The following NHS variants were observed in gnomAD, a reference collection of about 807,000 sequenced individuals.
The protein encoded by NHS is actin remodeling regulator NHS.
In NHS, 5 loss-of-function variants were observed where a neutral mutation model predicts 72.5. The ratio of observed to expected loss-of-function variants is 0.07; its 90% CI spans 0.04 to 0.14. The LOEUF (loss-of-function observed/expected upper bound fraction) is 0.14, where lower values mean the gene tolerates loss of function less well. Ranked by LOEUF, NHS falls within the 10% of genes least tolerant of loss-of-function variation. The pLI is 1.00. For missense variants in NHS, 1,072 were observed against 1,355.7 expected, an observed-to-expected ratio of 0.79 and a Z score of 3.29; for synonymous variants, 464 against 547.7, an observed-to-expected ratio of 0.85 and a Z score of 2.13.
At chrX:17,722,458 T>C (rs2066412179) in intron 5 of NHS, among the ~76,000 whole-genome samples, 1 of 112,273 alleles carries the variant, frequency 8.9e-6, no homozygotes, top group Admixed American at 9.4e-5. Context: ...GATTTTCATA[T>C]TGGTACCATG....
intron 1 of NHS, among the ~76,000 whole-genome samples, chrX:17,532,063 A>G (rs1206713027): frequency 9.0e-6 from 1 of 110,968 alleles, no homozygotes; most frequent in Admixed American, 9.6e-5. Context: ...CACCCAACAA[A>G]TATTTGTTGG....
At chrX:17,664,748 T>C (rs2066001601) in intron 1 of NHS, among the ~76,000 whole-genome samples, 1 of 111,985 alleles carries the variant, frequency 8.9e-6, no homozygotes, top group Admixed American at 9.5e-5. Flanking sequence ...AAAAGCATGG[T>C]ATGATTTTGA....
At chrX:17,535,151 A>G (rs769613701) in intron 1 of NHS, among the ~76,000 whole-genome samples, 3 of 111,176 alleles carry the variant, frequency 2.7e-5, no homozygotes, top group East Asian at 2.8e-4. Context: ...CTCTCCCACT[A>G]TGTTTCCTGA....
chrX:17,500,472 A>G (rs2065032151), intron 1 of NHS, among the ~76,000 whole-genome samples: 1 of 111,234 alleles, frequency 9.0e-6, no homozygotes, highest in South Asian at 3.8e-4. Context: ...GTTGTGGAGG[A>G]GGAGGGAAGG....
intron 1 of NHS, among the ~76,000 whole-genome samples, chrX:17,527,553 C>A (rs1170750147): frequency 8.9e-6 from 1 of 112,396 alleles, no homozygotes; most frequent in Non-Finnish European, 1.9e-5. Flanking sequence ...CTTGCGTAAA[C>A]CCCTCTGCAG....
intron 1 of NHS, among the ~76,000 whole-genome samples, chrX:17,404,687 C>T (rs897185970): frequency 2.7e-5 from 3 of 110,898 alleles, no homozygotes; most frequent in African/African-American, 9.9e-5. Context: ...CCTTCTTATA[C>T]GCCAAGCTCT....
intron 1 of NHS, among the ~76,000 whole-genome samples, chrX:17,466,010 C>T (rs186559143): frequency 8.8e-6 from 1 of 113,276 alleles, no homozygotes. Context: ...TGTAAGCATG[C>T]CCTGCAAAAT....
intron 3 of NHS, among the ~76,000 whole-genome samples, chrX:17,695,831 A>G (rs757431431): frequency 9.2e-6 from 1 of 108,455 alleles, no homozygotes; most frequent in African/African-American, 3.3e-5. Context: ...ACCCTTTGTT[A>G]GCTGAAAATT....
chrX:17,638,332 T>C (rs2065861523), intron 1 of NHS, among the ~76,000 whole-genome samples: 1 of 112,757 alleles, frequency 8.9e-6, no homozygotes, highest in African/African-American at 3.2e-5. Flanking sequence ...TGATGTTCTG[T>C]ATTTTAAAAT....
rs757490594 is a variant in NHS, at chrX:17,472,623, CT to C, written c.565+96302del. On this transcript the variant is annotated intron_variant, in intron 1 of 8. Transcript: ENST00000676302. ...TGAGAGTTCAAAGGTCAGTGTTTAT[CT>C]CTAAGTGCTGTTCAACTGTGAGCAC... Among the ~76,000 whole-genome samples the C allele has an allele frequency of 3.6e-5, 4 of 112,435 alleles. No individual in the cohort carries two copies. The South Asian group carries it at 1.1e-3, about 31-fold the overall frequency.
chrX:17,443,769 A>T (rs2064766879), intron 1 of NHS, among the ~76,000 whole-genome samples: 1 of 112,276 alleles, frequency 8.9e-6, no homozygotes, highest in African/African-American at 3.2e-5. Flanking sequence ...TGTCGAAATC[A>T]GTTCAGCCCT....
intron 1 of NHS, among the ~76,000 whole-genome samples, chrX:17,672,402 C>T (rs1369456475): frequency 8.9e-6 from 1 of 112,440 alleles, no homozygotes; most frequent in Non-Finnish European, 1.9e-5. Context: ...GTGTGTGTCA[C>T]TTCTGCTCAC....
chrX:17,647,475 T>C (rs2065911118), intron 1 of NHS, among the ~76,000 whole-genome samples: 1 of 111,874 alleles, frequency 8.9e-6, no homozygotes, highest in African/African-American at 3.3e-5. Context: ...TTTCCTTCCT[T>C]TTGAGAGTCT....
Position 17,566,689 on chromosome X carries a change from G to GT in NHS, c.566-121038dup, listed in dbSNP as rs769976244. Among the ~76,000 whole-genome samples, 324 of 102,134 alleles carry GT rather than the reference G, an allele frequency of 3.2e-3. 1 individual carries two copies. Among genetic ancestry groups the GT allele is most frequent in the Middle Eastern group, 0.01 (2 of 197 alleles). 88.7% of individuals were successfully genotyped at this position (102,134 alleles called of 115,157 possible). A position where few individuals can be genotyped will look rare whatever the true frequency, so the allele number is the denominator to read the frequency against. ...ATTCAGAGAGGATTAGCATTTGTTT[G>GT]TTTTTTTTTTTTTTTATTCCAGGAT... On this transcript the variant is annotated intron_variant, in intron 1 of 8. Transcript: ENST00000676302.
At chrX:17,377,126 C>T (rs1266708169) in intron 1 of NHS, among the ~76,000 whole-genome samples, 3 of 111,959 alleles carry the variant, frequency 2.7e-5, no homozygotes, top group Non-Finnish European at 3.8e-5. Flanking sequence ...TATCTTCCTC[C>T]TCCCCGGTGC....
chrX:17,451,872 G>A (rs1254210660), intron 1 of NHS, among the ~76,000 whole-genome samples: 2 of 111,877 alleles, frequency 1.8e-5, no homozygotes. Context: ...ATGGAGTTTG[G>A]TATTTGCCCC....
At chrX:17,527,528 C>T (rs1213263417) in intron 1 of NHS, among the ~76,000 whole-genome samples, 6 of 112,448 alleles carry the variant, frequency 5.3e-5, no homozygotes, top group Admixed American at 9.3e-5. Flanking sequence ...GTGGTCTGAG[C>T]AGCCCCCGCC....
chrX:17,716,962 CTTT>C (rs768134707), intron 3 of NHS, among the ~76,000 whole-genome samples: 3 of 95,513 alleles, frequency 3.1e-5, no homozygotes, highest in African/African-American at 7.6e-5. Context: ...TCCCCTTACT[CTTT>C]TTTTTTTTTT....
chrX:17,692,249 C>T (rs2066200585), intron 2 of NHS, 86 bp from the exon 3 acceptor site: 3 of 972,417 alleles, frequency 3.1e-6, no homozygotes, highest in Admixed American at 2.7e-5. Flanking sequence ...TTTTTTTTTA[C>T]AGCCTTTTGC....
Sources: gnomAD v4.1 joint callset for allele counts (sites outside exome capture counted in the v4.1 genomes callset) on GRCh38, gnomAD v4.1.1 for gene constraint, MANE v1.5 for transcripts, NCBI Gene and HGNC (gene_info 2026-07-23, HGNC 2026-07-21) for gene names.